Variants in FAM171A1 observed in about 807,000 individuals in gnomAD.
The protein encoded by FAM171A1 is family with sequence similarity 171 member A1, also known as protein FAM171A1.
In FAM171A1, 23 loss-of-function variants were observed where a neutral mutation model predicts 74.9. The observed-to-expected ratio is 0.31, with a 90% CI of 0.22 to 0.44. The LOEUF (loss-of-function observed/expected upper bound fraction) is 0.44, where lower values mean the gene tolerates loss of function less well. Ranked by LOEUF, FAM171A1 falls within the 20% of genes least tolerant of loss-of-function variation. FAM171A1 has a pLI of 1.00. For missense variants in FAM171A1, 1,162 were observed against 1,159.2 expected, an observed-to-expected ratio of 1.00 and a Z score of -0.03; for synonymous variants, 527 against 505.7, an observed-to-expected ratio of 1.04 and a Z score of -0.57.
chr10:15,283,738 T>C, intron 2 of FAM171A1, 140 bp downstream of exon 2: 8 of 764,756 alleles, frequency 1.0e-5, no homozygotes, highest in South Asian at 1.8e-5. Flanking sequence ...GTGCACACTA[T>C]GATGCCTGGC....
At chr10:15,305,240 T>C (rs986494618) in intron 1 of FAM171A1, among the ~76,000 whole-genome samples, 3 of 152,238 alleles carry the variant, frequency 2.0e-5, no homozygotes, top group African/African-American at 7.2e-5. Flanking sequence ...TTAGGCTGCA[T>C]GAATAAACAG....
chr10:15,284,890 G>A (rs996662960), intron 1 of FAM171A1, among the ~76,000 whole-genome samples: 1 of 151,444 alleles, frequency 6.6e-6, no homozygotes, highest in Non-Finnish European at 1.5e-5. Flanking sequence ...TTGTTAAAAG[G>A]GAGGACCCAA....
chr10:15,374,211 A>C (rs1836178987), upstream of FAM171A1, among the ~76,000 whole-genome samples: 1 of 152,224 alleles, frequency 6.6e-6, no homozygotes, highest in Non-Finnish European at 1.5e-5. Context: ...TTGTCTAAAT[A>C]GTTTCAGAAA....
intron 3 of FAM171A1, among the ~76,000 whole-genome samples, chr10:15,273,427 G>A (rs1387508357): frequency 1.3e-5 from 2 of 152,128 alleles, no homozygotes; most frequent in Admixed American, 6.6e-5. Context: ...GAAAGTCCAG[G>A]ACCAGACGAA....
chr10:15,271,376 G>C (rs996919168), intron 3 of FAM171A1, among the ~76,000 whole-genome samples: 2 of 152,134 alleles, frequency 1.3e-5, no homozygotes, highest in South Asian at 4.1e-4. Context: ...AAGAAATATG[G>C]GACTATGTGA....
chr10:15,261,471 C>T (rs2131777230), intron 3 of FAM171A1, among the ~76,000 whole-genome samples: 1 of 152,260 alleles, frequency 6.6e-6, no homozygotes, highest in South Asian at 2.1e-4. Flanking sequence ...GTTTAACTCC[C>T]TAAAACATCA....
chr10:15,212,192 G>A lies in FAM171A1; in HGVS notation c.*723C>T, dbSNP rs909946612. 9.2e-5 allele frequency: 14 copies of A among 152,702 alleles called. No individual in the cohort carries two copies. The highest frequency in any genetic ancestry group is 3.4e-4 in the African/African-American group (14 of 41,454). The allele number at this position is 152,702 out of a possible 1,614,324, so 9.5% of individuals were successfully genotyped here. A position where few individuals can be genotyped will look rare whatever the true frequency, so the allele number is the denominator to read the frequency against. ...AAGGCACTTGGAGTTAATGGGACCA[G>A]GATTGGAGGACTCTTAGCTGATACA... On this transcript the variant is annotated 3_prime_UTR_variant, in exon 8 of 8. Transcript: ENST00000378116.
At position 15,212,812 on chromosome 10, in the gene FAM171A1, C is replaced by T. The variant is rs1042748119; in HGVS notation, c.*103G>A. 88 of 1,464,040 alleles carry T rather than the reference C, an allele frequency of 6.0e-5. No individual in the cohort carries two copies. Among genetic ancestry groups the T allele is most frequent in the East Asian group, 4.3e-4 (19 of 44,238 alleles). The allele number at this position is 1,464,040 out of a possible 1,614,324, so 90.7% of individuals were successfully genotyped here. A position where few individuals can be genotyped will look rare whatever the true frequency, so the allele number is the denominator to read the frequency against. ...GCAGTAAACGTCCACGTCCGTCCCA[C>T]GGCTGGGCTGCCGTTCCGTTTCCTC... On this transcript the variant is annotated 3_prime_UTR_variant, in exon 8 of 8. Coordinates refer to ENST00000378116, the MANE Select transcript of FAM171A1 (RefSeq NM_001010924.2).
intron 1 of FAM171A1, among the ~76,000 whole-genome samples, chr10:15,328,489 T>C (rs1317150940): frequency 3.3e-5 from 5 of 152,136 alleles, no homozygotes; most frequent in Middle Eastern, 3.2e-3. Flanking sequence ...TTGAACAAGA[T>C]GCCTTGTAGT....
intron 1 of FAM171A1, among the ~76,000 whole-genome samples, chr10:15,369,943 C>A (rs1009179532): frequency 5.3e-5 from 8 of 152,210 alleles, no homozygotes; most frequent in African/African-American, 1.9e-4. Flanking sequence ...GGCAAGAGTC[C>A]AGGCAGCGGT....
chr10:15,370,240 CTTTTTTTTTT>C (rs34087157), intron 1 of FAM171A1, among the ~76,000 whole-genome samples: 5 of 110,866 alleles, frequency 4.5e-5, no homozygotes, highest in Non-Finnish European at 9.2e-5. Flanking sequence ...AAGGATTTTT[CTTTTTTTTTT>C]TTTTTTTTTT....
chr10:15,284,166 T>G, intron 1 of FAM171A1, 61 bp from the exon 2 acceptor site: 6 of 1,474,672 alleles, frequency 4.1e-6, no homozygotes, highest in Non-Finnish European at 5.6e-6. Flanking sequence ...ATAGCAACTC[T>G]GGTATGACTG....
At chr10:15,243,261 C>G (rs1417577252) in intron 5 of FAM171A1, among the ~76,000 whole-genome samples, 1 of 152,196 alleles carries the variant, frequency 6.6e-6, no homozygotes, top group Non-Finnish European at 1.5e-5. Context: ...TCTGGCTCCT[C>G]TTGCATCCTG....
chr10:15,285,242 A>G (rs893699796), intron 1 of FAM171A1, among the ~76,000 whole-genome samples: 2 of 152,310 alleles, frequency 1.3e-5, no homozygotes, highest in African/African-American at 2.4e-5. Context: ...TGGAGAAACA[A>G]TGGCAGGTTC....
intron 1 of FAM171A1, among the ~76,000 whole-genome samples, chr10:15,319,701 G>T (rs1156263881): frequency 6.6e-6 from 1 of 152,144 alleles, no homozygotes; most frequent in African/African-American, 2.4e-5. Flanking sequence ...CCAAAGTGCT[G>T]GGATTACAGG....
Position 15,230,317 on chromosome 10 carries a change from A to G in FAM171A1, c.755-9257T>C, listed in dbSNP as rs143282387. 5.0e-3 allele frequency among the ~76,000 whole-genome samples: 759 copies of G among 152,356 alleles called. 5 individuals carry two copies. Among genetic ancestry groups the G allele is most frequent in the Admixed American group, 9.9e-3 (151 of 15,306 alleles). ...TTTTTCCATGAAATATGTCAGAAGTAAACATTCCTTGTTAATTATATAGCA... is the reference window on the plus strand; with the variant it reads ...TTTTTCCATGAAATATGTCAGAAGTGAACATTCCTTGTTAATTATATAGCA... On this transcript the variant is annotated intron_variant, in intron 5 of 7. Coordinates refer to ENST00000378116, the MANE Select transcript of FAM171A1 (RefSeq NM_001010924.2).
intron 1 of FAM171A1, among the ~76,000 whole-genome samples, chr10:15,360,528 C>T (rs1379257130): frequency 6.6e-6 from 1 of 152,166 alleles, no homozygotes; most frequent in African/African-American, 2.4e-5. Context: ...CTGATTAGTT[C>T]AGTTTAGCTA....
At position 15,328,100 on chromosome 10, in the gene FAM171A1, CAAA is replaced by C. The variant is rs57966314; in HGVS notation, c.97+42853_97+42855del. Among the ~76,000 whole-genome samples, 605 of 141,508 alleles carry C rather than the reference CAAA, an allele frequency of 4.3e-3. 5 individuals are homozygous for C. The highest frequency in any genetic ancestry group is 0.015 in the African/African-American group (576 of 38,308). 92.8% of individuals were successfully genotyped at this position (141,508 alleles called of 152,430 possible). ...CTTCAAAAAAACCCAAAAAACAAAC[CAAA>C]AAAAAAAAAAACCTTTCTAAAGATA... On this transcript the variant is annotated intron_variant, in intron 1 of 7. Transcript: ENST00000378116.
intron 1 of FAM171A1, among the ~76,000 whole-genome samples, chr10:15,336,860 C>T (rs1390980374): frequency 6.6e-6 from 1 of 152,034 alleles, no homozygotes; most frequent in Non-Finnish European, 1.5e-5. Context: ...AGTTCTTAAA[C>T]TCAAGGACTC....
Sources: gnomAD v4.1 joint callset for allele counts (sites outside exome capture counted in the v4.1 genomes callset) on GRCh38, gnomAD v4.1.1 for gene constraint, MANE v1.5 for transcripts, NCBI Gene and HGNC (gene_info 2026-07-23, HGNC 2026-07-21) for gene names.